Variants in CACNA2D1 observed in about 807,000 individuals in gnomAD.
CACNA2D1 encodes the protein calcium voltage-gated channel auxiliary subunit alpha2delta 1.
In CACNA2D1, 53 loss-of-function variants were observed where a neutral mutation model predicts 171.5. The observed-to-expected ratio is 0.31, with a 90% CI of 0.25 to 0.39. CACNA2D1 has a LOEUF of 0.39. Among genes scored for constraint, CACNA2D1 ranks in the 10% least tolerant of loss-of-function variants. The pLI, the probability that CACNA2D1 is intolerant of heterozygous loss-of-function variation, is 1.00. For synonymous variants in CACNA2D1, 442 were observed against 443.1 expected, an observed-to-expected ratio of 1.00 and a Z score of 0.03; for missense variants, 903 against 1,299.8, an observed-to-expected ratio of 0.69 and a Z score of 4.69.
At chr7:82,058,678 T>C (rs549282259) in intron 10 of CACNA2D1, among the ~76,000 whole-genome samples, 1 of 152,124 alleles carries the variant, frequency 6.6e-6, no homozygotes, top group Non-Finnish European at 1.5e-5. Flanking sequence ...GTTGAGAATA[T>C]AGACAAGCTA....
intron 26 of CACNA2D1, 101 bp downstream of exon 26, chr7:81,971,675 AT>A (rs1361619603): frequency 1.4e-6 from 1 of 728,508 alleles, no homozygotes; most frequent in African/African-American, 1.8e-5. Flanking sequence ...ATTAAACATT[AT>A]TAATGAACTG....
At chr7:82,332,853 G>GC (rs1817545819) in intron 3 of CACNA2D1, among the ~76,000 whole-genome samples, 1 of 152,084 alleles carries the variant, frequency 6.6e-6, no homozygotes, top group African/African-American at 2.4e-5. Flanking sequence ...TTAAAAAATA[G>GC]CCAAGTGTGG....
At chr7:82,227,523 G>T (rs913639753) in intron 3 of CACNA2D1, among the ~76,000 whole-genome samples, 1 of 152,146 alleles carries the variant, frequency 6.6e-6, no homozygotes, top group East Asian at 1.9e-4. Context: ...ATCAGTAATA[G>T]TGACTAGTTT....
intron 3 of CACNA2D1, among the ~76,000 whole-genome samples, chr7:82,248,893 G>A (rs1327994517): frequency 5.9e-5 from 9 of 152,126 alleles, no homozygotes; most frequent in Non-Finnish European, 1.0e-4. Flanking sequence ...CGAGGCGGGC[G>A]GATCATGAGG....
chr7:82,284,950 G>T (rs1270124016), intron 3 of CACNA2D1, among the ~76,000 whole-genome samples: 2 of 151,780 alleles, frequency 1.3e-5, no homozygotes, highest in Non-Finnish European at 2.9e-5. Context: ...CAGATTTTTA[G>T]CCACACAGGA....
intron 4 of CACNA2D1, among the ~76,000 whole-genome samples, chr7:82,156,154 AT>A (rs1336452122): frequency 1.3e-5 from 2 of 152,214 alleles, no homozygotes; most frequent in Non-Finnish European, 2.9e-5. Flanking sequence ...TTAAAAAATA[AT>A]TTTAAATGAA....
intron 6 of CACNA2D1, among the ~76,000 whole-genome samples, chr7:82,095,690 G>A (rs970028016): frequency 1.2e-4 from 19 of 152,144 alleles, no homozygotes; most frequent in Non-Finnish European, 2.4e-4. Flanking sequence ...GAAAGAGTGT[G>A]TGAATATATG....
chr7:82,075,943 C>T (rs1406403580), intron 7 of CACNA2D1, among the ~76,000 whole-genome samples: 3 of 152,108 alleles, frequency 2.0e-5, no homozygotes, highest in African/African-American at 7.2e-5. Context: ...TTTAGCAATA[C>T]TTATTTACAT....
At chr7:82,116,306 A>C (rs899646877) in intron 6 of CACNA2D1, among the ~76,000 whole-genome samples, 24 of 130,206 alleles carry the variant, frequency 1.8e-4, no homozygotes, top group East Asian at 2.0e-4. Flanking sequence ...GAAAATTCCT[A>C]GTTAGAATTC....
chr7:82,172,136 T>C (rs1268633568), intron 3 of CACNA2D1, among the ~76,000 whole-genome samples: 1 of 152,034 alleles, frequency 6.6e-6, no homozygotes, highest in African/African-American at 2.4e-5. Context: ...GGTTTTGTTT[T>C]TCACTACTAG....
intron 3 of CACNA2D1, among the ~76,000 whole-genome samples, chr7:82,333,328 C>T (rs1359443087): frequency 2.6e-5 from 4 of 151,998 alleles, no homozygotes; most frequent in Non-Finnish European, 5.9e-5. Flanking sequence ...GGGACTTAGC[C>T]TATGTATTTA....
chr7:82,397,564 A>C (rs546590623), intron 1 of CACNA2D1, among the ~76,000 whole-genome samples: 1 of 152,354 alleles, frequency 6.6e-6, no homozygotes, highest in Non-Finnish European at 1.5e-5. Flanking sequence ...TACACAAAAC[A>C]GTGAAGAAAT....
chr7:82,087,071 G>C (rs962438239), intron 6 of CACNA2D1, among the ~76,000 whole-genome samples: 2 of 152,058 alleles, frequency 1.3e-5, no homozygotes, highest in Admixed American at 1.3e-4. Context: ...AGAATTCCCA[G>C]ACTAGGCACT....
chr7:81,978,823 T>C (rs1253361568), intron 24 of CACNA2D1, among the ~76,000 whole-genome samples: 1 of 17,848 alleles, frequency 5.6e-5, no homozygotes, highest in African/African-American at 2.8e-4. Context: ...TATATATATT[T>C]ATTTATTTAT....
At chr7:82,078,148 C>T (rs932764287) in intron 7 of CACNA2D1, among the ~76,000 whole-genome samples, 7 of 152,048 alleles carry the variant, frequency 4.6e-5, no homozygotes, top group African/African-American at 1.2e-4. Context: ...ACATTAGGTT[C>T]CTTTATTGTA....
intron 5 of CACNA2D1, among the ~76,000 whole-genome samples, chr7:82,133,621 G>C (rs1791265015): frequency 6.6e-6 from 1 of 152,120 alleles, no homozygotes; most frequent in African/African-American, 2.4e-5. Context: ...TATGTGTAAA[G>C]ATGTACTGAT....
intron 21 of CACNA2D1, among the ~76,000 whole-genome samples, chr7:81,987,190 T>A (rs80297045): frequency 1.3e-5 from 2 of 152,220 alleles, no homozygotes; most frequent in African/African-American, 4.8e-5. Flanking sequence ...ATACTTAATT[T>A]AATTATGTCC....
chr7:82,298,920 G>A (rs1002673180), intron 3 of CACNA2D1, among the ~76,000 whole-genome samples: 6 of 151,726 alleles, frequency 4.0e-5, no homozygotes, highest in Admixed American at 6.6e-5. Context: ...CAAATTGGCC[G>A]GGCGTGGTGG....
chr7:82,300,788 A>G (rs1812905192), intron 3 of CACNA2D1, among the ~76,000 whole-genome samples: 1 of 151,906 alleles, frequency 6.6e-6, no homozygotes, highest in African/African-American at 2.4e-5. Context: ...TAAAACTAAA[A>G]TATTATAAAT....
Sources: gnomAD v4.1 joint callset for allele counts (sites outside exome capture counted in the v4.1 genomes callset) on GRCh38, gnomAD v4.1.1 for gene constraint, MANE v1.5 for transcripts, NCBI Gene and HGNC (gene_info 2026-07-23, HGNC 2026-07-21) for gene names.